Variants in CNTN1 observed in about 807,000 individuals in gnomAD.
CNTN1 encodes contactin 1.
In CNTN1, 38 loss-of-function variants were observed where a neutral mutation model predicts 126.4. The ratio of observed to expected loss-of-function variants is 0.30; its 90% CI spans 0.23 to 0.39. CNTN1 has a LOEUF of 0.39. Ranked by LOEUF, CNTN1 falls within the 10% of genes least tolerant of loss-of-function variation. The probability of loss-of-function intolerance (pLI) is 1.00; values close to 1 mark genes in which losing one functional copy is unlikely to be tolerated. For synonymous variants in CNTN1, 413 were observed against 422.6 expected, an observed-to-expected ratio of 0.98 and a Z score of 0.28; for missense variants, 1,009 against 1,248.4, an observed-to-expected ratio of 0.81 and a Z score of 2.89.
intron 14 of CNTN1, among the ~76,000 whole-genome samples, chr12:40,956,543 G>T (rs1566033086): frequency 6.6e-6 from 1 of 151,930 alleles, no homozygotes; most frequent in Non-Finnish European, 1.5e-5. Flanking sequence ...AGGTTATGAG[G>T]GGTATGAATC....
chr12:40,704,792 C>T (rs990513240), intron 1 of CNTN1, among the ~76,000 whole-genome samples: 3 of 152,092 alleles, frequency 2.0e-5, no homozygotes, highest in South Asian at 2.1e-4. Flanking sequence ...ATGCTATTCC[C>T]TGGAACTTCT....
At chr12:40,785,347 G>A (rs1430150273) in intron 1 of CNTN1, among the ~76,000 whole-genome samples, 1 of 152,126 alleles carries the variant, frequency 6.6e-6, no homozygotes, top group African/African-American at 2.4e-5. Flanking sequence ...AGTGGAAGAC[G>A]AAGTGGGAGC....
intron 1 of CNTN1, among the ~76,000 whole-genome samples, chr12:40,720,003 ATTTTTTTTTT>A (rs561694238): frequency 7.9e-6 from 1 of 127,238 alleles, no homozygotes; most frequent in Non-Finnish European, 1.7e-5. Context: ...CGCCCGGTTA[ATTTTTTTTTT>A]TTTTTTTTTT....
intron 1 of CNTN1, among the ~76,000 whole-genome samples, chr12:40,866,011 T>C (rs961154752): frequency 1.3e-5 from 2 of 152,120 alleles, no homozygotes; most frequent in Non-Finnish European, 2.9e-5. Flanking sequence ...TTTGTAGTTT[T>C]CAGTGTAAAT....
intron 1 of CNTN1, among the ~76,000 whole-genome samples, chr12:40,708,854 C>T (rs1010458185): frequency 1.3e-5 from 2 of 152,150 alleles, no homozygotes; most frequent in Non-Finnish European, 2.9e-5. Flanking sequence ...GTCAAATATT[C>T]GAGCTCCACT....
intron 1 of CNTN1, among the ~76,000 whole-genome samples, chr12:40,740,663 C>G (rs983330581): frequency 2.0e-5 from 3 of 151,972 alleles, no homozygotes; most frequent in African/African-American, 7.2e-5. Flanking sequence ...TTATTGTGTC[C>G]CCACCCAAAT....
chr12:41,069,816 T>C, intron 23 of CNTN1, 143 bp from the exon 24 acceptor site: 4 of 708,824 alleles, frequency 5.6e-6, no homozygotes, highest in South Asian at 3.0e-5. Flanking sequence ...TCTTAAATCA[T>C]GTAAGAATAA....
chr12:40,806,629 G>C (rs1940868843), intron 1 of CNTN1, among the ~76,000 whole-genome samples: 1 of 152,112 alleles, frequency 6.6e-6, no homozygotes, highest in Non-Finnish European at 1.5e-5. Context: ...CTTGGAGCCT[G>C]CAAGTGATTA....
intron 1 of CNTN1, among the ~76,000 whole-genome samples, chr12:40,892,154 C>A (rs1168731971): frequency 6.6e-6 from 1 of 152,068 alleles, no homozygotes; most frequent in African/African-American, 2.4e-5. Context: ...GCTGTGAAGG[C>A]TGAGCAAAGA....
chr12:40,835,118 G>T (rs1023783697), intron 1 of CNTN1, among the ~76,000 whole-genome samples: 3 of 152,224 alleles, frequency 2.0e-5, no homozygotes, highest in Admixed American at 2.0e-4. Flanking sequence ...AGCTTATGTT[G>T]TTTTTGTCTA....
chr12:40,853,634 A>T lies in CNTN1; in HGVS notation c.-76-54723A>T, dbSNP rs182850491. ...AAGTGATATACAAGATAAACAAGAG[A>T]TATACAAGATAAACAAGAGATATAC... is the stretch of plus-strand genomic sequence containing the variant. On this transcript the variant is annotated intron_variant, in intron 1 of 23. Coordinates refer to ENST00000551295, the MANE Select transcript of CNTN1 (RefSeq NM_001843.4). 1.6e-4 allele frequency among the ~76,000 whole-genome samples: 24 copies of T among 152,198 alleles called. No individual in the cohort carries two copies. In the East Asian group the frequency reaches 3.9e-3, roughly 25 times the overall value.
intron 1 of CNTN1, among the ~76,000 whole-genome samples, chr12:40,883,181 A>G (rs1943926594): frequency 6.6e-6 from 1 of 151,578 alleles, no homozygotes; most frequent in Non-Finnish European, 1.5e-5. Context: ...TTCCCAGGTG[A>G]TCCTAATTTG....
chr12:40,898,141 T>C (rs1340060113), intron 1 of CNTN1, among the ~76,000 whole-genome samples: 1 of 152,144 alleles, frequency 6.6e-6, no homozygotes, highest in Non-Finnish European at 1.5e-5. Flanking sequence ...GGAGTATCTT[T>C]GATGTGTTAG....
intron 17 of CNTN1, among the ~76,000 whole-genome samples, chr12:40,995,595 T>C (rs909781585): frequency 6.6e-6 from 1 of 152,184 alleles, no homozygotes; most frequent in Non-Finnish European, 1.5e-5. Context: ...TCTCAAATGG[T>C]ATTTTGTTAA....
intron 3 of CNTN1, among the ~76,000 whole-genome samples, chr12:40,910,469 A>G (rs1944986061): frequency 6.6e-6 from 1 of 152,204 alleles, no homozygotes; most frequent in African/African-American, 2.4e-5. Flanking sequence ...GGAGATAACT[A>G]AAGTTAGTGA....
Position 41,070,222 on chromosome 12 carries a change from A to G in CNTN1, c.*187A>G. On this transcript the variant is annotated 3_prime_UTR_variant, in exon 24 of 24. Coordinates refer to ENST00000551295, the MANE Select transcript of CNTN1 (RefSeq NM_001843.4). ...ATTCGGGAACCCCTTCATCCAAAAGAATAAACTTTTAAATGGATATAAATG... is the reference window on the plus strand; with the variant it reads ...ATTCGGGAACCCCTTCATCCAAAAGGATAAACTTTTAAATGGATATAAATG... The G allele has an allele frequency of 1.6e-6, 1 of 631,212 alleles. No individual in the cohort carries two copies. Among genetic ancestry groups the G allele is most frequent in the Non-Finnish European group, 2.8e-6 (1 of 353,006 alleles). The allele number at this position is 631,212 out of a possible 1,614,324, so 39.1% of individuals were successfully genotyped here.
At chr12:40,699,522 C>A (rs977307866) in intron 1 of CNTN1, among the ~76,000 whole-genome samples, 2 of 151,948 alleles carry the variant, frequency 1.3e-5, no homozygotes, top group African/African-American at 4.8e-5. Flanking sequence ...AATAATTCTG[C>A]ATTTTAAAAG....
intron 1 of CNTN1, among the ~76,000 whole-genome samples, chr12:40,725,078 C>T (rs1592015463): frequency 6.6e-6 from 1 of 152,164 alleles, no homozygotes; most frequent in Admixed American, 6.5e-5. Context: ...AGGCCCGTTA[C>T]CTCCCTTTTC....
chr12:40,811,296 C>CA (rs1171309815), intron 1 of CNTN1, among the ~76,000 whole-genome samples: 2 of 152,146 alleles, frequency 1.3e-5, no homozygotes, highest in Non-Finnish European at 2.9e-5. Flanking sequence ...ACAGGCAACA[C>CA]AATATGCCTT....
Sources: gnomAD v4.1 joint callset for allele counts (sites outside exome capture counted in the v4.1 genomes callset) on GRCh38, gnomAD v4.1.1 for gene constraint, MANE v1.5 for transcripts, NCBI Gene and HGNC (gene_info 2026-07-23, HGNC 2026-07-21) for gene names.